LRP4: variants seen among roughly 807,000 people sequenced by gnomAD.
LRP4 encodes low-density lipoprotein receptor-related protein 4.
Under a neutral mutation model 220.3 loss-of-function variants are expected in LRP4, and 95 were observed. The observed-to-expected ratio is 0.43, with a 90% confidence interval of 0.37 to 0.51. The LOEUF (loss-of-function observed/expected upper bound fraction) is 0.51, where lower values mean the gene tolerates loss of function less well. Among genes scored for constraint, LRP4 ranks in the 20% least tolerant of loss-of-function variants. LRP4 has a pLI of 0.00. For synonymous variants in LRP4, 903 were observed against 954.6 expected (o/e 0.95, Z 1.00); for missense variants, 1,925 against 2,567.0 (o/e 0.75, Z 5.40).
Position 46,858,555 on chromosome 11 carries a change from C to T in LRP4, c.*428G>A. On this transcript the variant is annotated 3_prime_UTR_variant, in exon 38 of 38. Transcript: ENST00000378623. ...TTTACCCACACCCCCATGTCCCAGC[C>T]CCTGATGGGCAAGTTCTCTCAGAGA... The T allele has an allele frequency of 3.4e-6, 1 of 292,664 alleles. No individual in the cohort carries two copies. Among genetic ancestry groups the T allele is most frequent in the South Asian group, 3.6e-5 (1 of 27,848 alleles). The allele number at this position is 292,664 out of a possible 1,614,324, so 18.1% of individuals were successfully genotyped here. A position where few individuals can be genotyped will look rare whatever the true frequency, so the allele number is the denominator to read the frequency against.
chr11:46,858,032 C>T lies in LRP4; in HGVS notation c.*951G>A, dbSNP rs1940425353. The T allele has an allele frequency of 6.6e-6, 1 of 152,416 alleles. No individual in the cohort carries two copies. The highest frequency in any genetic ancestry group is 1.5e-5 in the Non-Finnish European group (1 of 68,078). 9.4% of individuals were successfully genotyped at this position (152,416 alleles called of 1,614,324 possible). A position where few individuals can be genotyped will look rare whatever the true frequency, so the allele number is the denominator to read the frequency against. On this transcript the variant is annotated 3_prime_UTR_variant, in exon 38 of 38. Coordinates refer to ENST00000378623, the MANE Select transcript of LRP4 (RefSeq NM_002334.4). ...AAAGCTTGTTTCTAGGTCTCTTCCC[C>T]AGAATCCCAGGACATGAGGGAGAGA...
rs1940977560 is a variant in LRP4, at chr11:46,875,222, G to A, written c.3926-119C>T. On this transcript the variant is annotated intron_variant, in intron 27 of 37. Transcript: ENST00000378623. This position sits in a 1 kb window ranked among gnomAD's most constrained non-coding sequence, Gnocchi z 4.5. ...TCTAAGTGACAGGATTCAGTGCCTG[G>A]CAGGGTGAGGTAGAAGGAGGGTCTG... The A allele has an allele frequency of 1.8e-6, 2 of 1,109,550 alleles. No individual in the cohort carries two copies. The highest frequency in any genetic ancestry group is 2.5e-5 in the East Asian group (1 of 39,234). The allele number at this position is 1,109,550 out of a possible 1,614,324, so 68.7% of individuals were successfully genotyped here.
At chr11:46,886,672 CTCAGGCT>C in intron 16 of LRP4, 139 bp from the exon 17 acceptor site, 1 of 733,960 alleles carries the variant, frequency 1.4e-6, no homozygotes, top group Non-Finnish European at 2.4e-6. Context: ...TACTTTATAC[CTCAGGCT>C]TCTTTTAAGC....
intron 1 of LRP4, among the ~76,000 whole-genome samples, chr11:46,913,439 G>A (rs552648903): frequency 2.0e-4 from 31 of 152,276 alleles, no homozygotes; most frequent in Admixed American, 2.0e-3. Flanking sequence ...AAACTTTGAG[G>A]TGGAGGAACT....
At chr11:46,876,005 TC>T (rs750292748) in intron 25 of LRP4, 39 bp from the exon 26 acceptor site, 3 of 1,590,574 alleles carry the variant, frequency 1.9e-6, no homozygotes, top group Non-Finnish European at 2.6e-6. Context: ...AGCTAGTTAT[TC>T]CAGCAGCTAC....
At position 46,871,595 on chromosome 11, in the gene LRP4, C is replaced by T. The variant is rs1197230763; in HGVS notation, c.4622G>A (p.Ser1541Asn). Reference sequence around the variant, plus strand: ...CCGCAGTTTCCCATTGAGGTCAGCACTCTCGATCCGGTCCAGATGCGCATC... The same window carrying T: ...CCGCAGTTTCCCATTGAGGTCAGCATTCTCGATCCGGTCCAGATGCGCATC... Reference protein sequence around the residue: ...WVDAHLDRIESADLNGKLRQV... With the variant: ...WVDAHLDRIENADLNGKLRQV... Residue 1541 changes from serine (S) to asparagine (N), a missense_variant, in exon 31 of 38, where the codon AGT (serine) becomes AAT (asparagine). This residue lies in a region of LRP4 where 1,244 missense variants were observed against 1,624.9 expected (regional missense o/e 0.77). Transcript: ENST00000378623. The T allele has an allele frequency of 6.2e-7, 1 of 1,612,948 alleles. No individual in the cohort carries two copies. Among genetic ancestry groups the T allele is most frequent in the South Asian group, 1.1e-5 (1 of 90,724 alleles).
chr11:46,906,557 G>T (rs1463123050), intron 1 of LRP4, among the ~76,000 whole-genome samples: 1 of 152,162 alleles, frequency 6.6e-6, no homozygotes, highest in East Asian at 1.9e-4. Flanking sequence ...GGAGGCTGGG[G>T]TGTGCAGATG....
chr11:46,911,222 T>G (rs1043518204), intron 1 of LRP4, among the ~76,000 whole-genome samples: 3 of 152,190 alleles, frequency 2.0e-5, no homozygotes, highest in African/African-American at 7.2e-5. Flanking sequence ...TTCATCTGGA[T>G]ATGTCCTCTC....
Position 46,890,525 on chromosome 11 carries a change from GCAGCA to G in LRP4, c.1698-36_1698-32del, listed in dbSNP as rs1941399792. 5 of 1,522,890 alleles carry G rather than the reference GCAGCA, an allele frequency of 3.3e-6. No homozygotes were observed. The highest frequency in any genetic ancestry group is 4.5e-6 in the Non-Finnish European group (5 of 1,100,072). The allele number at this position is 1,522,890 out of a possible 1,614,324, so 94.3% of individuals were successfully genotyped here. On this transcript the variant is annotated intron_variant, in intron 13 of 37. Transcript: ENST00000378623. This position sits in a 1 kb window ranked among gnomAD's most constrained non-coding sequence, Gnocchi z 5.3. Reference sequence around the variant, plus strand: ...AAGAGAAAAGTAAATTGGGAAGTGGGCAGCAGAAAACAGGTAGGTAACCAGGAGAA... The same window carrying G: ...AAGAGAAAAGTAAATTGGGAAGTGGGGAAAACAGGTAGGTAACCAGGAGAA...
At chr11:46,893,922 C>T (rs567680588) in intron 12 of LRP4, among the ~76,000 whole-genome samples, 4 of 125,152 alleles carry the variant, frequency 3.2e-5, no homozygotes, top group South Asian at 2.5e-4. Flanking sequence ...TTTTTTGAGA[C>T]GGAGTTTTGC....
chr11:46,882,348 A>C (rs1258028854), intron 19 of LRP4, among the ~76,000 whole-genome samples: 1 of 151,916 alleles, frequency 6.6e-6, no homozygotes, highest in Non-Finnish European at 1.5e-5. Flanking sequence ...ATGGTGGTGC[A>C]CATCTGTGGT....
chr11:46,875,791 ACACGG>A lies in LRP4; in HGVS notation c.3699+8_3699+12del. The A allele has an allele frequency of 6.2e-7, 1 of 1,614,026 alleles. No homozygotes were observed. The highest frequency in any genetic ancestry group is 8.5e-7 in the Non-Finnish European group (1 of 1,180,008). On this transcript the variant is annotated splice_region_variant and intron_variant, in intron 26 of 37. Transcript: ENST00000378623. The surrounding 1 kb of genome is among the most constrained non-coding windows in gnomAD (Gnocchi z 4.5). ...CCCAGGCTCCTGGGAAGCAGCAGGG[ACACGG>A]CTCTCACCTCGGTGTGGGCATCGGC... is the stretch of plus-strand genomic sequence containing the variant.
intron 31 of LRP4, among the ~76,000 whole-genome samples, chr11:46,871,179 T>C (rs1380546303): frequency 6.6e-6 from 1 of 152,186 alleles, no homozygotes; most frequent in African/African-American, 2.4e-5. Flanking sequence ...GGGGAACTTG[T>C]CAAAATGTAT....
In LRP4 at chr11:46,873,292, A is replaced by G; in HGVS notation, c.4449-58T>C. 1 of 1,613,202 alleles carries G rather than the reference A, an allele frequency of 6.2e-7. No homozygotes were observed. ...ATGGGAAGACAGCACCCAGAGGTTG[A>G]GAGAACACAGAGGACCCACTAACAC... On this transcript the variant is annotated intron_variant, in intron 29 of 37. Coordinates refer to ENST00000378623, the MANE Select transcript of LRP4 (RefSeq NM_002334.4). The surrounding 1 kb of genome is among the most constrained non-coding windows in gnomAD (Gnocchi z 4.2).
chr11:46,907,863 C>CTTT (rs1941787515), intron 1 of LRP4, among the ~76,000 whole-genome samples: 1 of 152,184 alleles, frequency 6.6e-6, no homozygotes, highest in African/African-American at 2.4e-5. Flanking sequence ...ACTCAAAGGG[C>CTTT]TTTGTAAAGA....
At chr11:46,882,688 C>CA (rs202106050) in intron 19 of LRP4, among the ~76,000 whole-genome samples, 9,603 of 150,350 alleles carry the variant, frequency 0.064, 355 homozygotes, top group Non-Finnish European at 0.09. Context: ...CCCATCTCTA[C>CA]AAAAAAAAAC....
At chr11:46,892,252 T>C (rs762033679) in intron 13 of LRP4, among the ~76,000 whole-genome samples, 34 of 152,196 alleles carry the variant, frequency 2.2e-4, no homozygotes, top group Middle Eastern at 3.2e-3. Context: ...ATTTTTAGGC[T>C]ATAATAATTA....
In LRP4 at chr11:46,889,488, C is replaced by T; in HGVS notation, c.2138G>A (p.Cys713Tyr). 1 of 1,614,130 alleles carries T rather than the reference C, an allele frequency of 6.2e-7. No individual in the cohort carries two copies. The highest frequency in any genetic ancestry group is 8.5e-7 in the Non-Finnish European group (1 of 1,180,038). Residue 713 changes from cysteine (C) to tyrosine (Y), a missense_variant, in exon 16 of 38, where the codon TGT becomes TAT. Cys to Tyr is a radical substitution (Grantham distance 194). This residue lies in a region of LRP4 where 1,244 missense variants were observed against 1,624.9 expected (regional missense o/e 0.77). Coordinates refer to ENST00000378623, the MANE Select transcript of LRP4 (RefSeq NM_002334.4). Reference protein sequence around the residue: ...GDNNGGCTHLCLPSGQNYTCA... With the variant: ...GDNNGGCTHLYLPSGQNYTCA... ...GGTGTAGTTCTGGCCACTGGGCAGA[C>T]ACAGGTGCGTGCAGCCTCCGTTGTT...
Position 46,875,008 on chromosome 11 carries a change from G to T in LRP4, c.4021C>A (p.Leu1341Met), listed in dbSNP as rs763069536. 1 of 1,614,158 alleles carries T rather than the reference G, an allele frequency of 6.2e-7. No individual in the cohort carries two copies. Among genetic ancestry groups the T allele is most frequent in the Non-Finnish European group, 8.5e-7 (1 of 1,180,026 alleles). Residue 1341 changes from leucine (L) to methionine (M), a missense_variant, in exon 28 of 38, where the codon CTG (leucine) becomes ATG (methionine). By Grantham distance (15) the Leu-to-Met change is conservative. This residue lies in a region of LRP4 where 1,244 missense variants were observed against 1,624.9 expected (regional missense o/e 0.77). Coordinates refer to ENST00000378623, the MANE Select transcript of LRP4 (RefSeq NM_002334.4). The surrounding 1 kb of genome is among the most constrained non-coding windows in gnomAD (Gnocchi z 4.5). The stretch of plus-strand genomic sequence containing the variant: ...TCACAGGTCTTCCCATCTCCCTTCA[G>T]CTGGATGCCAGTGGGGCAGGCACAG... ...FSCACPTGIQ[L>M]KGDGKTCDPS...
Sources: allele counts gnomAD v4.1 joint callset (sites outside exome capture counted in the v4.1 genomes callset), GRCh38; gene constraint gnomAD v4.1.1; regional missense constraint gnomAD v4.1.1; non-coding constraint Gnocchi (gnomAD v3.1); transcripts MANE v1.5; gene names NCBI Gene and HGNC (gene_info 2026-07-23, HGNC 2026-07-21).